DLGAP2: variants seen among roughly 807,000 people sequenced by gnomAD.
DLGAP2 encodes DLG associated protein 2, also known as disks large-associated protein 2.
DLGAP2 carries 26 observed loss-of-function variants against 100.3 expected under a neutral mutation model. The observed-to-expected ratio is 0.26, with a 90% CI of 0.19 to 0.36. The LOEUF (loss-of-function observed/expected upper bound fraction) is 0.36, where lower values mean the gene tolerates loss of function less well. Among genes scored for constraint, DLGAP2 ranks in the 10% least tolerant of loss-of-function variants. The pLI is 1.00. For missense variants in DLGAP2, 1,858 were observed against 1,453.2 expected, an observed-to-expected ratio of 1.28 and a Z score of -4.53; for synonymous variants, 886 against 630.1, an observed-to-expected ratio of 1.41 and a Z score of -6.08.
chr8:1,304,810 T>A lies in DLGAP2; in HGVS notation c.106+45927T>A, dbSNP rs185849950. ...TAAATCCATATTTTGTGGATCATCATCAATTATAATAAATGCTAAACACCC... is the reference window on the plus strand; with the variant it reads ...TAAATCCATATTTTGTGGATCATCAACAATTATAATAAATGCTAAACACCC... On this transcript the variant is annotated intron_variant, in intron 3 of 14. Transcript: ENST00000637795. 1.5e-3 allele frequency among the ~76,000 whole-genome samples: 233 copies of A among 152,286 alleles called. 1 individual carries two copies. Among genetic ancestry groups the A allele is most frequent in the African/African-American group, 5.4e-3 (223 of 41,562 alleles).
At chr8:1,339,875 C>T (rs977951974) in intron 3 of DLGAP2, among the ~76,000 whole-genome samples, 1 of 152,166 alleles carries the variant, frequency 6.6e-6, no homozygotes, top group South Asian at 2.1e-4. Context: ...ATTTTTTTAT[C>T]TCTGGGATCC....
chr8:1,617,357 A>G (rs909532162), intron 6 of DLGAP2, among the ~76,000 whole-genome samples: 1 of 152,220 alleles, frequency 6.6e-6, no homozygotes, highest in African/African-American at 2.4e-5. Flanking sequence ...GTGTATGAGC[A>G]TTCCCTTTTC....
intron 1 of DLGAP2, among the ~76,000 whole-genome samples, chr8:833,212 C>G (rs961246401): frequency 6.6e-6 from 1 of 152,232 alleles, no homozygotes; most frequent in Non-Finnish European, 1.5e-5. Flanking sequence ...ATTCCTAAGA[C>G]TTTGGGAAGG....
At chr8:1,283,982 G>C (rs1013049065) in intron 3 of DLGAP2, among the ~76,000 whole-genome samples, 2 of 152,198 alleles carry the variant, frequency 1.3e-5, no homozygotes, top group African/African-American at 4.8e-5. Context: ...ATTCACGACG[G>C]AGTTCTAGAT....
chr8:1,072,220 G>A (rs540451515), intron 2 of DLGAP2, among the ~76,000 whole-genome samples: 126 of 152,300 alleles, frequency 8.3e-4, no homozygotes, highest in African/African-American at 2.7e-3. Context: ...GGGACCGGGA[G>A]CCTCCTGATT....
intron 2 of DLGAP2, among the ~76,000 whole-genome samples, chr8:1,183,814 C>A (rs756945377): frequency 3.3e-5 from 5 of 152,328 alleles, no homozygotes; most frequent in African/African-American, 1.2e-4. Flanking sequence ...ACACCCTTTG[C>A]AAGCCTTCAG....
At chr8:1,028,762 G>A (rs1157516220) in intron 2 of DLGAP2, among the ~76,000 whole-genome samples, 1 of 152,236 alleles carries the variant, frequency 6.6e-6, no homozygotes, top group East Asian at 1.9e-4. Flanking sequence ...TTTAAAGGCA[G>A]TGAGAATCCC....
At chr8:949,497 C>T (rs942477090) in intron 2 of DLGAP2, among the ~76,000 whole-genome samples, 4 of 152,124 alleles carry the variant, frequency 2.6e-5, no homozygotes, top group African/African-American at 7.2e-5. Flanking sequence ...CGGGAAGATG[C>T]GAACATTCAA....
intron 2 of DLGAP2, among the ~76,000 whole-genome samples, chr8:1,106,939 A>G (rs1022451417): frequency 6.6e-6 from 1 of 152,158 alleles, no homozygotes; most frequent in African/African-American, 2.4e-5. Context: ...GGATTGCTTC[A>G]ACATCTCAGA....
intron 1 of DLGAP2, among the ~76,000 whole-genome samples, chr8:878,180 C>T (rs762572401): frequency 1.3e-5 from 2 of 152,066 alleles, no homozygotes; most frequent in East Asian, 1.9e-4. Context: ...TATTTAAGTA[C>T]TCATGGGAAA....
chr8:1,493,186 A>C (rs558248489), intron 3 of DLGAP2, among the ~76,000 whole-genome samples: 194 of 152,346 alleles, frequency 1.3e-3, no homozygotes, highest in Middle Eastern at 0.01. Context: ...CTAGGAACCC[A>C]GATGGCTGCC....
chr8:1,113,147 C>T (rs1805012892), intron 2 of DLGAP2, among the ~76,000 whole-genome samples: 1 of 152,044 alleles, frequency 6.6e-6, no homozygotes, highest in Non-Finnish European at 1.5e-5. Context: ...ATGCCTCCAG[C>T]TTTGTTCTTT....
chr8:1,118,527 C>G (rs1795953654), intron 2 of DLGAP2, among the ~76,000 whole-genome samples: 1 of 148,352 alleles, frequency 6.7e-6, no homozygotes, highest in Non-Finnish European at 1.5e-5. Context: ...AGAAGCTAAA[C>G]TGTGCGAATA....
chr8:1,075,671 C>G (rs1803582612), intron 2 of DLGAP2, among the ~76,000 whole-genome samples: 1 of 152,116 alleles, frequency 6.6e-6, no homozygotes. Flanking sequence ...CCTTCAGGTC[C>G]TTTGTGGAAG....
chr8:1,084,168 A>G (rs1206819165), intron 2 of DLGAP2, among the ~76,000 whole-genome samples: 1 of 152,246 alleles, frequency 6.6e-6, no homozygotes, highest in Non-Finnish European at 1.5e-5. Context: ...AGTGAAGTTA[A>G]GATTCTTCAA....
intron 3 of DLGAP2, among the ~76,000 whole-genome samples, chr8:1,344,721 A>G (rs746942578): frequency 6.6e-6 from 1 of 152,080 alleles, no homozygotes; most frequent in Non-Finnish European, 1.5e-5. Flanking sequence ...TATCCGCTAC[A>G]TCTTAACGCT....
At chr8:1,205,211 T>C (rs1269425453) in intron 2 of DLGAP2, among the ~76,000 whole-genome samples, 1 of 152,186 alleles carries the variant, frequency 6.6e-6, no homozygotes, top group Non-Finnish European at 1.5e-5. Flanking sequence ...TTTTTGTAAC[T>C]GTAGGTTAAG....
intron 2 of DLGAP2, among the ~76,000 whole-genome samples, chr8:951,955 C>T (rs1412907608): frequency 6.6e-6 from 1 of 152,230 alleles, no homozygotes; most frequent in Non-Finnish European, 1.5e-5. Flanking sequence ...TCTGGGCATG[C>T]CGTTTGCTCC....
chr8:1,134,409 T>G (rs1367906982), intron 2 of DLGAP2, among the ~76,000 whole-genome samples: 1 of 152,194 alleles, frequency 6.6e-6, no homozygotes, highest in Non-Finnish European at 1.5e-5. Context: ...GCATCACCAC[T>G]CTGTCTTCCA....
Sources: gnomAD v4.1 joint callset for allele counts (sites outside exome capture counted in the v4.1 genomes callset) on GRCh38, gnomAD v4.1.1 for gene constraint, MANE v1.5 for transcripts, NCBI Gene and HGNC (gene_info 2026-07-23, HGNC 2026-07-21) for gene names.